COMMD10: variants seen among roughly 807,000 people sequenced by gnomAD.
COMMD10 encodes the protein COMM domain containing 10, also known as COMM domain-containing protein 10.
A neutral mutation model predicts 28.9 loss-of-function variants in COMMD10; 33 were observed. That is an observed-to-expected ratio of 1.14 (90% CI 0.87 to 1.53). The LOEUF is 1.53. COMMD10 is among the 40% of genes most tolerant of loss of function. COMMD10 has a pLI of 0.00. For synonymous variants in COMMD10, 110 were observed against 81.7 expected (o/e 1.35, Z -1.87); for missense variants, 310 against 233.4 (o/e 1.33, Z -2.14).
intron 5 of COMMD10, among the ~76,000 whole-genome samples, chr5:116,202,872 C>G (rs1313612670): frequency 1.3e-5 from 2 of 152,040 alleles, no homozygotes; most frequent in Non-Finnish European, 2.9e-5. Flanking sequence ...TTTTGCTGTG[C>G]AGAAGCTCTT....
chr5:116,254,448 T>G (rs1210355219), intron 5 of COMMD10, among the ~76,000 whole-genome samples: 4 of 151,406 alleles, frequency 2.6e-5, no homozygotes, highest in Non-Finnish European at 5.9e-5. Context: ...GCTATAAATT[T>G]CCCTCTACAC....
intron 5 of COMMD10, among the ~76,000 whole-genome samples, chr5:116,134,410 A>G (rs1391176096): frequency 2.6e-5 from 4 of 152,194 alleles, no homozygotes; most frequent in Non-Finnish European, 5.9e-5. Flanking sequence ...ATTGTTGAAG[A>G]CCATATAAAA....
chr5:116,268,864 G>T (rs988718811), intron 5 of COMMD10, among the ~76,000 whole-genome samples: 1 of 151,148 alleles, frequency 6.6e-6, no homozygotes, highest in East Asian at 1.9e-4. Flanking sequence ...ACCAAACACC[G>T]CATATTCTCA....
chr5:116,145,296 A>G (rs1345845299), intron 5 of COMMD10, among the ~76,000 whole-genome samples: 2 of 151,810 alleles, frequency 1.3e-5, no homozygotes, highest in East Asian at 3.9e-4. Context: ...CGACTTTGAG[A>G]GGAGAACTGT....
chr5:116,197,303 G>A (rs1033901596), intron 5 of COMMD10, among the ~76,000 whole-genome samples: 1 of 152,058 alleles, frequency 6.6e-6, no homozygotes, highest in Non-Finnish European at 1.5e-5. Context: ...AAATGTCATT[G>A]TATTAATATT....
At chr5:116,148,951 A>G (rs988444180) in intron 5 of COMMD10, among the ~76,000 whole-genome samples, 6 of 150,778 alleles carry the variant, frequency 4.0e-5, no homozygotes, top group Non-Finnish European at 8.9e-5. Flanking sequence ...GTTGCACCCA[A>G]TAACTCATCA....
intron 5 of COMMD10, among the ~76,000 whole-genome samples, chr5:116,140,325 A>C (rs566816869): frequency 6.6e-6 from 1 of 151,592 alleles, no homozygotes; most frequent in Non-Finnish European, 1.5e-5. Flanking sequence ...ACATACCACA[A>C]TTTATCCATT....
chr5:116,183,840 G>A (rs1453293882), intron 5 of COMMD10, among the ~76,000 whole-genome samples: 3 of 152,080 alleles, frequency 2.0e-5, no homozygotes, highest in Non-Finnish European at 4.4e-5. Context: ...TATATATGGT[G>A]GCAGGCTATA....
chr5:116,100,573 A>C (rs1375573608), intron 4 of COMMD10, among the ~76,000 whole-genome samples: 1 of 149,216 alleles, frequency 6.7e-6, no homozygotes, highest in Non-Finnish European at 1.5e-5. Flanking sequence ...TTAGTTGAAA[A>C]GGCTTTTTCC....
chr5:116,284,668 A>T lies in COMMD10; in HGVS notation c.511-6849A>T, dbSNP rs115869450. On this transcript the variant is annotated intron_variant, in intron 5 of 6. Transcript: ENST00000274458. The stretch of plus-strand genomic sequence containing the variant: ...GAAACTACTTTAACCAGGAGTTTCT[A>T]CATTTTCCACCATGAAGTCTGTTGT... Among the ~76,000 whole-genome samples the T allele has an allele frequency of 2.1e-3, 313 of 152,058 alleles. 11 individuals carry two copies. Among genetic ancestry groups the T allele is most frequent in the African/African-American group, 7.1e-3 (292 of 41,336 alleles).
intron 4 of COMMD10, among the ~76,000 whole-genome samples, chr5:116,117,733 T>A (rs1163456708): frequency 2.0e-5 from 3 of 152,164 alleles, no homozygotes; most frequent in African/African-American, 7.2e-5. Context: ...CCCAAAATAC[T>A]AGGATTACAG....
intron 5 of COMMD10, among the ~76,000 whole-genome samples, chr5:116,272,920 G>A (rs1305588275): frequency 1.3e-5 from 2 of 151,804 alleles, no homozygotes; most frequent in Non-Finnish European, 2.9e-5. Flanking sequence ...GATGTGGATG[G>A]TCTGTCACTG....
intron 5 of COMMD10, among the ~76,000 whole-genome samples, chr5:116,272,745 G>A (rs1334661776): frequency 6.6e-6 from 1 of 151,850 alleles, no homozygotes. Flanking sequence ...TCTGGGTGTT[G>A]TAAGAGTTTT....
intron 5 of COMMD10, among the ~76,000 whole-genome samples, chr5:116,270,248 G>A (rs1013299150): frequency 6.6e-6 from 1 of 151,860 alleles, no homozygotes; most frequent in Non-Finnish European, 1.5e-5. Flanking sequence ...TTTATACATT[G>A]TTACAGCTGG....
At chr5:116,134,424 T>C (rs1045490234) in intron 5 of COMMD10, among the ~76,000 whole-genome samples, 1 of 152,200 alleles carries the variant, frequency 6.6e-6, no homozygotes, top group African/African-American at 2.4e-5. Flanking sequence ...TATAAAATTA[T>C]GATTTTAATG....
At chr5:116,180,217 A>G (rs1159904835) in intron 5 of COMMD10, among the ~76,000 whole-genome samples, 1 of 152,140 alleles carries the variant, frequency 6.6e-6, no homozygotes, top group African/African-American at 2.4e-5. Flanking sequence ...TATGTATAAA[A>G]CATTTTTGAA....
rs142086760 is a variant in COMMD10, at chr5:116,218,735, G to C, written c.511-72782G>C. On this transcript the variant is annotated intron_variant, in intron 5 of 6. Coordinates refer to ENST00000274458, the MANE Select transcript of COMMD10 (RefSeq NM_016144.4). ...ATAGAAGAAAGAATAAATACTATGA[G>C]AACATTTTAGGGACAGTCCTGAATA... Among the ~76,000 whole-genome samples the C allele has an allele frequency of 3.0e-4, 46 of 152,206 alleles. No individual in the cohort carries two copies. The East Asian group carries it at 8.3e-3, about 28-fold the overall frequency.
At chr5:116,098,459 A>C (rs1165206634) in intron 4 of COMMD10, among the ~76,000 whole-genome samples, 2 of 152,216 alleles carry the variant, frequency 1.3e-5, no homozygotes, top group African/African-American at 2.4e-5. Context: ...GCAGATCAAG[A>C]ATATTTGGGA....
intron 4 of COMMD10, among the ~76,000 whole-genome samples, chr5:116,120,215 C>A (rs6896571): frequency 0.82 from 124,283 of 151,746 alleles, 51,085 homozygotes; most frequent in African/African-American, 0.84. Flanking sequence ...ACTTGGGTGA[C>A]ACTGGAGGCC....
Sources: allele counts gnomAD v4.1 joint callset (sites outside exome capture counted in the v4.1 genomes callset), GRCh38; gene constraint gnomAD v4.1.1; transcripts MANE v1.5; gene names NCBI Gene and HGNC (gene_info 2026-07-23, HGNC 2026-07-21).